The following ARIH1 variants were observed in gnomAD, a reference collection of about 807,000 sequenced individuals.
ARIH1 encodes ariadne RBR E3 ubiquitin protein ligase 1, also known as E3 ubiquitin-protein ligase ARIH1.
ARIH1 carries 8 observed loss-of-function variants against 85.0 expected under a neutral mutation model. The observed-to-expected ratio is 0.09, with a 90% CI of 0.06 to 0.17. The LOEUF (loss-of-function observed/expected upper bound fraction) is 0.17. ARIH1 is among the 10% of genes least tolerant of loss of function. The pLI, the probability that ARIH1 is intolerant of heterozygous loss-of-function variation, is 1.00. For synonymous variants in ARIH1, 238 were observed against 253.6 expected, an observed-to-expected ratio of 0.94 and a Z score of 0.59; for missense variants, 311 against 718.1, an observed-to-expected ratio of 0.43 and a Z score of 6.48.
chr15:72,518,951 T>A (rs563806609), intron 2 of ARIH1, among the ~76,000 whole-genome samples: 85 of 152,200 alleles, frequency 5.6e-4, no homozygotes, highest in African/African-American at 2.0e-3. Flanking sequence ...TTCCATTGGG[T>A]TTTTAAAAAT....
At chr15:72,513,888 C>T (rs1197495164) in intron 1 of ARIH1, among the ~76,000 whole-genome samples, 4 of 141,056 alleles carry the variant, frequency 2.8e-5, no homozygotes, top group East Asian at 2.1e-4. Flanking sequence ...GCCCCGCCTC[C>T]GCCAAAGACA....
At chr15:72,513,586 T>G (rs2063959180) in intron 1 of ARIH1, among the ~76,000 whole-genome samples, 1 of 152,100 alleles carries the variant, frequency 6.6e-6, no homozygotes, top group African/African-American at 2.4e-5. Flanking sequence ...TTTCCTTCTT[T>G]CCTGTAGTTC....
intron 2 of ARIH1, among the ~76,000 whole-genome samples, chr15:72,524,141 G>A (rs2064015078): frequency 6.6e-6 from 1 of 151,612 alleles, no homozygotes; most frequent in Non-Finnish European, 1.5e-5. Context: ...TAGAGACGGG[G>A]TTTCACCATA....
At chr15:72,535,706 G>A (rs1451003540) in intron 2 of ARIH1, among the ~76,000 whole-genome samples, 1 of 152,146 alleles carries the variant, frequency 6.6e-6, no homozygotes, top group Non-Finnish European at 1.5e-5. Flanking sequence ...ATCACAAGTA[G>A]TAGTGTGTTT....
intron 1 of ARIH1, among the ~76,000 whole-genome samples, chr15:72,498,537 C>A (rs369055300): frequency 7.9e-5 from 12 of 152,176 alleles, no homozygotes; most frequent in African/African-American, 2.9e-4. Context: ...TTCTGTATAC[C>A]CTTGCTGATA....
chr15:72,481,348 A>G (rs1385247762), intron 1 of ARIH1, among the ~76,000 whole-genome samples: 6 of 152,126 alleles, frequency 3.9e-5, no homozygotes, highest in Admixed American at 2.6e-4. Context: ...GTGTTTCTCT[A>G]TGTGTTACGT....
At chr15:72,493,916 G>C (rs944619548) in intron 1 of ARIH1, among the ~76,000 whole-genome samples, 1 of 151,072 alleles carries the variant, frequency 6.6e-6, no homozygotes, top group African/African-American at 2.4e-5. Context: ...ATATTTTCTT[G>C]GTTCAAATTC....
rs557902486 is a variant in ARIH1, at chr15:72,499,026, G to A, written c.376-19041G>A. On this transcript the variant is annotated intron_variant, in intron 1 of 13. Transcript: ENST00000379887. ...GACAAAGTCTTGCTCTGTCACCCAG[G>A]CTGGAGTGCAGTAGTGTGATCTCGG... 5.7e-5 allele frequency among the ~76,000 whole-genome samples: 7 copies of A among 122,580 alleles called. No homozygotes were observed. The South Asian group carries it at 1.9e-3, about 33-fold the overall frequency. 80.4% of individuals were successfully genotyped at this position (122,580 alleles called of 152,430 possible).
At chr15:72,498,877 T>G (rs2063890948) in intron 1 of ARIH1, among the ~76,000 whole-genome samples, 2 of 151,848 alleles carry the variant, frequency 1.3e-5, no homozygotes, top group East Asian at 1.9e-4. Flanking sequence ...TTCAAATTTT[T>G]ATTAATCTGG....
intron 3 of ARIH1, among the ~76,000 whole-genome samples, chr15:72,552,963 C>T (rs1458462569): frequency 6.6e-6 from 1 of 151,948 alleles, no homozygotes; most frequent in Non-Finnish European, 1.5e-5. Flanking sequence ...ATAGTAGAGG[C>T]AGGATTTTGC....
At position 72,587,280 on chromosome 15, in the gene ARIH1, A is replaced by G; in HGVS notation, c.*3988A>G. ...TATTCTGGTCACAGAATGACCTAGT[A>G]TTCTGTACCAGGGAAGGTAGTTCTT... On this transcript the variant is annotated 3_prime_UTR_variant, in exon 14 of 14. Transcript: ENST00000379887. 1 of 523,868 alleles carries G rather than the reference A, an allele frequency of 1.9e-6. No homozygotes were observed. The highest frequency in any genetic ancestry group is 3.9e-6 in the Non-Finnish European group (1 of 255,646). The allele number at this position is 523,868 out of a possible 1,614,324, so 32.5% of individuals were successfully genotyped here.
chr15:72,489,035 G>C (rs1264231990), intron 1 of ARIH1, among the ~76,000 whole-genome samples: 2 of 152,110 alleles, frequency 1.3e-5, no homozygotes, highest in South Asian at 2.1e-4. Context: ...TTGAGTCCAG[G>C]AGTTTGAGAC....
chr15:72,560,846 T>C (rs1157325274), intron 5 of ARIH1, among the ~76,000 whole-genome samples: 1 of 75,520 alleles, frequency 1.3e-5, no homozygotes, highest in Non-Finnish European at 3.7e-5. Flanking sequence ...CAGAGGAGTA[T>C]TTACCATAGA....
chr15:72,492,966 C>T (rs982413539), intron 1 of ARIH1, among the ~76,000 whole-genome samples: 1 of 152,096 alleles, frequency 6.6e-6, no homozygotes, highest in African/African-American at 2.4e-5. Context: ...CATGTAGAGT[C>T]AAATTAACAA....
intron 2 of ARIH1, among the ~76,000 whole-genome samples, chr15:72,540,962 A>G (rs1595865362): frequency 6.6e-6 from 1 of 152,350 alleles, no homozygotes; most frequent in South Asian, 2.1e-4. Flanking sequence ...CGGACCCAAC[A>G]CCAGGCTGTG....
At chr15:72,556,512 GATAC>G (rs2064175267) in intron 5 of ARIH1, among the ~76,000 whole-genome samples, 1 of 152,218 alleles carries the variant, frequency 6.6e-6, no homozygotes, top group African/African-American at 2.4e-5. Flanking sequence ...GCTGATTTCA[GATAC>G]ACTACAGCTG....
chr15:72,582,021 G>A lies in ARIH1; in HGVS notation c.1477-54G>A. On this transcript the variant is annotated intron_variant, in intron 12 of 13. Coordinates refer to ENST00000379887, the MANE Select transcript of ARIH1 (RefSeq NM_005744.5). This position sits in a 1 kb window ranked among gnomAD's most constrained non-coding sequence, Gnocchi z 4.6. Reference sequence around the variant, plus strand: ...TGTAGTCAACAAAACAGTGAAAATGGTTTATCTTTTAGCTTTATTTTGAAG... The same window carrying A: ...TGTAGTCAACAAAACAGTGAAAATGATTTATCTTTTAGCTTTATTTTGAAG... The A allele has an allele frequency of 7.9e-7, 1 of 1,263,728 alleles. No homozygotes were observed. The highest frequency in any genetic ancestry group is 1.1e-6 in the Non-Finnish European group (1 of 874,308). 78.3% of individuals were successfully genotyped at this position (1,263,728 alleles called of 1,614,324 possible). A position where few individuals can be genotyped will look rare whatever the true frequency, so the allele number is the denominator to read the frequency against.
intron 1 of ARIH1, among the ~76,000 whole-genome samples, chr15:72,516,558 A>C (rs914325483): frequency 5.3e-5 from 8 of 152,144 alleles, no homozygotes; most frequent in Non-Finnish European, 1.2e-4. Context: ...ACTCTTATAG[A>C]TGGGTGGTGT....
At chr15:72,579,823 T>C (rs1441839811) in intron 11 of ARIH1, among the ~76,000 whole-genome samples, 1 of 152,204 alleles carries the variant, frequency 6.6e-6, no homozygotes, top group Non-Finnish European at 1.5e-5. Flanking sequence ...ATATTTTTAA[T>C]GGACAAATCA....
Sources: allele counts gnomAD v4.1 joint callset (sites outside exome capture counted in the v4.1 genomes callset), GRCh38; gene constraint gnomAD v4.1.1; non-coding constraint Gnocchi (gnomAD v3.1); transcripts MANE v1.5; gene names NCBI Gene and HGNC (gene_info 2026-07-23, HGNC 2026-07-21).